CACNA2D1: variants seen among roughly 807,000 people sequenced by gnomAD.
CACNA2D1 encodes the protein calcium voltage-gated channel auxiliary subunit alpha2delta 1.
In CACNA2D1, 53 loss-of-function variants were observed where a neutral mutation model predicts 171.5. That is an observed-to-expected ratio of 0.31 (90% confidence interval 0.25 to 0.39). The LOEUF is 0.39. Among genes scored for constraint, CACNA2D1 ranks in the 10% least tolerant of loss-of-function variants. The probability of loss-of-function intolerance (pLI) is 1.00; values close to 1 mark genes in which losing one functional copy is unlikely to be tolerated. For missense variants in CACNA2D1, 903 were observed against 1,299.8 expected (o/e 0.69, Z 4.69); for synonymous variants, 442 against 443.1 (o/e 1.00, Z 0.03).
At chr7:82,370,534 G>T (rs1347615671) in intron 1 of CACNA2D1, among the ~76,000 whole-genome samples, 1 of 151,926 alleles carries the variant, frequency 6.6e-6, no homozygotes, top group Non-Finnish European at 1.5e-5. Context: ...AACTGGAAGA[G>T]ATAGGTAAAT....
At chr7:81,953,851 T>C (rs886210582) in intron 38 of CACNA2D1, among the ~76,000 whole-genome samples, 1 of 152,138 alleles carries the variant, frequency 6.6e-6, no homozygotes, top group African/African-American at 2.4e-5. Flanking sequence ...AAGAAAAATA[T>C]TCTCTTTGGC....
At chr7:82,077,718 C>A (rs771613502) in intron 7 of CACNA2D1, among the ~76,000 whole-genome samples, 1 of 147,400 alleles carries the variant, frequency 6.8e-6, no homozygotes, top group African/African-American at 2.5e-5. Context: ...CAACTATATA[C>A]ATTTATAGTT....
intron 4 of CACNA2D1, among the ~76,000 whole-genome samples, chr7:82,152,570 T>C (rs751023597): frequency 2.0e-5 from 3 of 152,038 alleles, no homozygotes; most frequent in Non-Finnish European, 4.4e-5. Context: ...GAGATAGTAT[T>C]ATATCATTTA....
intron 3 of CACNA2D1, among the ~76,000 whole-genome samples, chr7:82,193,440 T>A (rs1798540923): frequency 6.6e-6 from 1 of 151,992 alleles, no homozygotes; most frequent in Non-Finnish European, 1.5e-5. Context: ...GTTTGCCAAA[T>A]CTTTTGAGAT....
At chr7:82,131,097 G>A (rs111367630) in intron 5 of CACNA2D1, among the ~76,000 whole-genome samples, 3,852 of 152,078 alleles carry the variant, frequency 0.025, 69 homozygotes, top group Middle Eastern at 0.065. Context: ...CCACCGCGCC[G>A]GCCAGCTCTT....
At chr7:82,148,003 A>G (rs1242020750) in intron 4 of CACNA2D1, among the ~76,000 whole-genome samples, 1 of 152,158 alleles carries the variant, frequency 6.6e-6, no homozygotes, top group East Asian at 1.9e-4. Context: ...CGCCCCAGTA[A>G]AGGCCTGACA....
At chr7:82,150,050 A>C (rs559874159) in intron 4 of CACNA2D1, among the ~76,000 whole-genome samples, 1 of 152,086 alleles carries the variant, frequency 6.6e-6, no homozygotes, top group South Asian at 2.1e-4. Context: ...CATCTACTAT[A>C]GGCATGCAGT....
At chr7:81,999,642 GT>G (rs955579430) in intron 18 of CACNA2D1, among the ~76,000 whole-genome samples, 3 of 151,876 alleles carry the variant, frequency 2.0e-5, no homozygotes. Context: ...TTTTCAGGTT[GT>G]TTATTTTTTA....
At chr7:82,030,236 T>C (rs1248692535) in intron 12 of CACNA2D1, among the ~76,000 whole-genome samples, 1 of 151,748 alleles carries the variant, frequency 6.6e-6, no homozygotes, top group African/African-American at 2.4e-5. Flanking sequence ...ACCCATAAAT[T>C]CTTCACTAAT....
At chr7:82,153,389 AAAT>A in intron 4 of CACNA2D1, among the ~76,000 whole-genome samples, 1 of 151,982 alleles carries the variant, frequency 6.6e-6, no homozygotes, top group Admixed American at 6.6e-5. Context: ...ATGATTAATA[AAAT>A]ATTTTTTAGA....
intron 3 of CACNA2D1, among the ~76,000 whole-genome samples, chr7:82,198,272 G>A (rs755877261): frequency 4.6e-5 from 7 of 152,056 alleles, no homozygotes; most frequent in Non-Finnish European, 7.4e-5. Context: ...TAGGATGGGA[G>A]GAATAAGTTA....
In CACNA2D1 at chr7:82,186,239, GAAGGAAGGAAGGAAGA is replaced by G. The variant is rs1473263066; in HGVS notation, c.295-15646_295-15631del. On this transcript the variant is annotated intron_variant, in intron 3 of 38. Transcript: ENST00000356860. ...AGGGAAAGAGAGAGAGAGAAGGAAG[GAAGGAAGGAAGGAAGA>G]AAGGAAGGAAGGAAGGAAGGAAGGA... Among the ~76,000 whole-genome samples, 765 of 109,348 alleles carry G rather than the reference GAAGGAAGGAAGGAAGA, an allele frequency of 7.0e-3. 13 individuals carry two copies. The highest frequency in any genetic ancestry group is 0.026 in the African/African-American group (719 of 28,014). 71.7% of individuals were successfully genotyped at this position (109,348 alleles called of 152,430 possible). A position where few individuals can be genotyped will look rare whatever the true frequency, so the allele number is the denominator to read the frequency against.
intron 5 of CACNA2D1, among the ~76,000 whole-genome samples, chr7:82,127,782 T>C (rs1790502297): frequency 6.6e-6 from 1 of 152,210 alleles, no homozygotes; most frequent in South Asian, 2.1e-4. Flanking sequence ...ATGTTAATAT[T>C]ATCTAGGATA....
In CACNA2D1 at chr7:82,388,771, A is replaced by C. The variant is rs527842074; in HGVS notation, c.96-39122T>G. Among the ~76,000 whole-genome samples the C allele has an allele frequency of 5.8e-4, 89 of 152,324 alleles. 1 individual carries two copies. The South Asian group carries it at 0.018, about 32-fold the overall frequency. On this transcript the variant is annotated intron_variant, in intron 1 of 38. Coordinates refer to ENST00000356860, the MANE Select transcript of CACNA2D1 (RefSeq NM_000722.4). ...ATCTCTCCTTAAGATTTTATCCTCT[A>C]AACTTTTATTTCCAGAACAAAATGA...
intron 1 of CACNA2D1, among the ~76,000 whole-genome samples, chr7:82,356,460 T>C (rs369695988): frequency 7.9e-5 from 12 of 152,254 alleles, no homozygotes; most frequent in African/African-American, 2.9e-4. Flanking sequence ...TATTCTCGTC[T>C]CTCCACTAAA....
At chr7:82,366,903 CTTT>C (rs71093376) in intron 1 of CACNA2D1, among the ~76,000 whole-genome samples, 16 of 86,966 alleles carry the variant, frequency 1.8e-4, no homozygotes, top group Non-Finnish European at 3.0e-4. Context: ...TGGTTTTGAC[CTTT>C]TTTTTTTTTT....
At chr7:82,378,054 T>G (rs1823223522) in intron 1 of CACNA2D1, among the ~76,000 whole-genome samples, 1 of 152,156 alleles carries the variant, frequency 6.6e-6, no homozygotes, top group Non-Finnish European at 1.5e-5. Context: ...GCATTACCTT[T>G]CTCTTAGGAA....
intron 3 of CACNA2D1, among the ~76,000 whole-genome samples, chr7:82,290,600 G>T (rs561860687): frequency 3.4e-5 from 5 of 146,532 alleles, no homozygotes; most frequent in African/African-American, 7.5e-5. Context: ...AAAAAGCCAT[G>T]AATTTTTTTT....
chr7:82,228,355 C>T (rs780941045), intron 3 of CACNA2D1, among the ~76,000 whole-genome samples: 1 of 152,034 alleles, frequency 6.6e-6, no homozygotes, highest in Non-Finnish European at 1.5e-5. Context: ...GACCTTGAGC[C>T]GAAGATCCTG....
Sources: allele counts gnomAD v4.1 joint callset (sites outside exome capture counted in the v4.1 genomes callset), GRCh38; gene constraint gnomAD v4.1.1; transcripts MANE v1.5; gene names NCBI Gene and HGNC (gene_info 2026-07-23, HGNC 2026-07-21).